Variants in HOMER2 observed in about 807,000 individuals in gnomAD.
HOMER2 encodes homer protein homolog 2.
Under a neutral mutation model 47.0 loss-of-function variants are expected in HOMER2, and 27 were observed. That is an observed-to-expected ratio of 0.57 (90% CI 0.42 to 0.79). The LOEUF (loss-of-function observed/expected upper bound fraction) is 0.79, where lower values mean the gene tolerates loss of function less well. Ranked by LOEUF, HOMER2 falls within the 30% of genes least tolerant of loss-of-function variation. The probability of loss-of-function intolerance (pLI) is 0.00; values close to 1 mark genes in which losing one functional copy is unlikely to be tolerated. For missense variants in HOMER2, 443 were observed against 435.0 expected (o/e 1.02, Z -0.16); for synonymous variants, 161 against 163.8 (o/e 0.98, Z 0.13).
chr15:82,944,204 T>A (rs1448606854), intron 1 of HOMER2, among the ~76,000 whole-genome samples: 1 of 151,730 alleles, frequency 6.6e-6, no homozygotes, highest in East Asian at 1.9e-4. Flanking sequence ...ACTACTGGAG[T>A]CTTCATCATG....
chr15:82,875,652 C>A (rs41310982), intron 2 of HOMER2, among the ~76,000 whole-genome samples: 1 of 152,322 alleles, frequency 6.6e-6, no homozygotes, highest in East Asian at 1.9e-4. Context: ...AGATCCTACA[C>A]GTTATCCGTG....
intron 1 of HOMER2, among the ~76,000 whole-genome samples, chr15:82,915,921 C>T (rs1009790253): frequency 2.0e-5 from 3 of 152,202 alleles, no homozygotes; most frequent in African/African-American, 7.2e-5. Flanking sequence ...ACCACTTGGC[C>T]TTTCAAAATT....
intron 1 of HOMER2, among the ~76,000 whole-genome samples, chr15:82,942,343 C>T (rs7170046): frequency 0.079 from 12,006 of 152,172 alleles, 549 homozygotes; most frequent in Middle Eastern, 0.13. Context: ...AAAGAGCTGA[C>T]GAACTGATGA....
chr15:82,927,264 C>A (rs2053876253), intron 1 of HOMER2, among the ~76,000 whole-genome samples: 1 of 148,552 alleles, frequency 6.7e-6, no homozygotes, highest in Non-Finnish European at 1.5e-5. Context: ...TCATTTAATG[C>A]ATGTCTCATT....
intron 1 of HOMER2, among the ~76,000 whole-genome samples, chr15:82,897,178 G>A (rs1442141640): frequency 7.0e-6 from 1 of 143,250 alleles, no homozygotes; most frequent in Non-Finnish European, 1.5e-5. Flanking sequence ...GCAATTCTCT[G>A]CCTCAGCCTC....
At chr15:82,893,617 C>T (rs113400190) in intron 1 of HOMER2, among the ~76,000 whole-genome samples, 1,666 of 148,282 alleles carry the variant, frequency 0.011, 36 homozygotes, top group African/African-American at 0.04. Context: ...AGGCGTAAGC[C>T]ACTGCGCCTT....
chr15:82,859,456 C>G (rs2051702081), intron 4 of HOMER2, among the ~76,000 whole-genome samples: 1 of 152,086 alleles, frequency 6.6e-6, no homozygotes, highest in South Asian at 2.1e-4. Flanking sequence ...GTGCTCAGAG[C>G]CTTTTTACTT....
chr15:82,927,107 C>T (rs972800385), intron 1 of HOMER2, among the ~76,000 whole-genome samples: 3 of 152,112 alleles, frequency 2.0e-5, no homozygotes, highest in Non-Finnish European at 4.4e-5. Flanking sequence ...CATATGAATC[C>T]GTGGGGGACA....
At chr15:82,852,980 G>A (rs989708446) in intron 6 of HOMER2, among the ~76,000 whole-genome samples, 4 of 152,238 alleles carry the variant, frequency 2.6e-5, no homozygotes, top group Non-Finnish European at 5.9e-5. Context: ...AAATGTGTGT[G>A]CAGAGTGGAC....
chr15:82,954,037 A>G (rs1166866284), upstream of HOMER2, among the ~76,000 whole-genome samples: 1 of 152,172 alleles, frequency 6.6e-6, no homozygotes, highest in African/African-American at 2.4e-5. Flanking sequence ...AGATCATGCC[A>G]CTGCACTCTA....
intron 2 of HOMER2, among the ~76,000 whole-genome samples, chr15:82,878,355 G>T (rs958955028): frequency 6.6e-6 from 1 of 152,014 alleles, no homozygotes; most frequent in Non-Finnish European, 1.5e-5. Context: ...TTTTTCAGAT[G>T]GCGAAACTGA....
At chr15:82,876,510 A>G (rs548665385) in intron 2 of HOMER2, among the ~76,000 whole-genome samples, 1 of 152,352 alleles carries the variant, frequency 6.6e-6, no homozygotes, top group Middle Eastern at 3.4e-3. Flanking sequence ...AGTAGAAATC[A>G]TTGCAAGCCC....
At chr15:82,918,391 T>C (rs1465826057) in intron 1 of HOMER2, among the ~76,000 whole-genome samples, 1 of 152,144 alleles carries the variant, frequency 6.6e-6, no homozygotes, top group Non-Finnish European at 1.5e-5. Context: ...TGTGATCATG[T>C]TGGGACAGTG....
chr15:82,877,159 G>C (rs1011205543), intron 2 of HOMER2, among the ~76,000 whole-genome samples: 2 of 152,120 alleles, frequency 1.3e-5, no homozygotes, highest in East Asian at 3.9e-4. Context: ...ATTTGGGAAA[G>C]TTTTTTTGTT....
At chr15:82,858,837 G>A (rs897854264) in intron 5 of HOMER2, among the ~76,000 whole-genome samples, 192 bp downstream of exon 5, 1 of 152,090 alleles carries the variant, frequency 6.6e-6, no homozygotes, top group Non-Finnish European at 1.5e-5. Flanking sequence ...CACACAAATG[G>A]ATGCTGATGT....
At chr15:82,929,737 G>GC (rs1555429424) in intron 1 of HOMER2, among the ~76,000 whole-genome samples, 1,628 of 145,584 alleles carry the variant, frequency 0.011, 29 homozygotes, top group African/African-American at 0.039. Flanking sequence ...CAGTTTTGTT[G>GC]TTTTTTTTTT....
chr15:82,897,730 A>G (rs1469416226), intron 1 of HOMER2, among the ~76,000 whole-genome samples: 2 of 152,228 alleles, frequency 1.3e-5, no homozygotes, highest in African/African-American at 4.8e-5. Context: ...ACTCCAGCCA[A>G]CTGACAGACA....
chr15:82,943,824 AGC>A (rs2054314799), intron 1 of HOMER2, among the ~76,000 whole-genome samples: 1 of 152,216 alleles, frequency 6.6e-6, no homozygotes, highest in East Asian at 1.9e-4. Flanking sequence ...GGCCTCCTAG[AGC>A]CCCTGCATAG....
chr15:82,922,162 C>A (rs2053745418), intron 1 of HOMER2, among the ~76,000 whole-genome samples: 1 of 152,154 alleles, frequency 6.6e-6, no homozygotes, highest in South Asian at 2.1e-4. Context: ...CACACCCACC[C>A]CACCTCCAAC....
Sources: allele counts gnomAD v4.1 joint callset (sites outside exome capture counted in the v4.1 genomes callset), GRCh38; gene constraint gnomAD v4.1.1; transcripts MANE v1.5; gene names NCBI Gene and HGNC (gene_info 2026-07-23, HGNC 2026-07-21).